CALN1: variants seen among roughly 807,000 people sequenced by gnomAD.
CALN1 encodes the protein calcium-binding protein 8.
A neutral mutation model predicts 30.6 loss-of-function variants in CALN1; 17 were observed. The ratio of observed to expected loss-of-function variants is 0.56; its 90% confidence interval spans 0.38 to 0.83. The LOEUF (loss-of-function observed/expected upper bound fraction) is 0.83. CALN1 is among the 40% of genes least tolerant of loss of function. The pLI is 0.00. For missense variants in CALN1, 291 were observed against 354.9 expected (o/e 0.82, Z 1.45); for synonymous variants, 156 against 131.4 (o/e 1.19, Z -1.28).
intron 3 of CALN1, among the ~76,000 whole-genome samples, chr7:72,152,528 T>A (rs758411437): frequency 6.6e-6 from 1 of 152,076 alleles, no homozygotes; most frequent in Non-Finnish European, 1.5e-5. Flanking sequence ...ATACAACCTA[T>A]CTACCTGCCA....
At chr7:72,119,834 G>A (rs184682790) in intron 3 of CALN1, among the ~76,000 whole-genome samples, 316 of 152,168 alleles carry the variant, frequency 2.1e-3, no homozygotes, top group Non-Finnish European at 2.1e-3. Context: ...TTCTCACCAG[G>A]TCCCTCCCAT....
chr7:72,106,678 A>G (rs1807142880), intron 3 of CALN1, among the ~76,000 whole-genome samples: 1 of 109,480 alleles, frequency 9.1e-6, no homozygotes, highest in African/African-American at 3.5e-5. Context: ...GGGAGAAAGG[A>G]AGGAAGAAAG....
At chr7:72,336,727 A>C in intron 2 of CALN1, 1 of 985,216 alleles carries the variant, frequency 1.0e-6, no homozygotes, top group Non-Finnish European at 1.2e-6. Context: ...GGGGCTCCGC[A>C]GCCCGGCAGC....
chr7:71,995,268 C>T (rs556799739), intron 5 of CALN1, among the ~76,000 whole-genome samples: 4 of 152,340 alleles, frequency 2.6e-5, no homozygotes, highest in Admixed American at 6.5e-5. Context: ...CCGTGCTGAA[C>T]GCACCTGGCT....
intron 5 of CALN1, among the ~76,000 whole-genome samples, chr7:72,007,456 A>T (rs1799836517): frequency 6.6e-6 from 1 of 152,204 alleles, no homozygotes. Context: ...CTGAAGCAGG[A>T]GAATCACTTG....
At chr7:71,866,974 G>C (rs1279710538) in intron 5 of CALN1, among the ~76,000 whole-genome samples, 1 of 151,850 alleles carries the variant, frequency 6.6e-6, no homozygotes, top group Non-Finnish European at 1.5e-5. Context: ...GTGAAACCCC[G>C]TCTCTACTAA....
chr7:71,912,701 C>G (rs1794487401), intron 5 of CALN1, among the ~76,000 whole-genome samples: 3 of 152,100 alleles, frequency 2.0e-5, no homozygotes, highest in Admixed American at 2.0e-4. Flanking sequence ...ACTGCACAAC[C>G]TGAGAAGCTA....
chr7:71,873,435 T>C (rs1171188053), intron 5 of CALN1, among the ~76,000 whole-genome samples: 1 of 152,188 alleles, frequency 6.6e-6, no homozygotes, highest in Non-Finnish European at 1.5e-5. Context: ...CTTTATAAAT[T>C]GGACCACGAA....
In CALN1 at chr7:72,372,934, G is replaced by A. The variant is rs369260898; in HGVS notation, c.119+30317C>T. On this transcript the variant is annotated intron_variant, in intron 2 of 6. Transcript: ENST00000395275. ...ACACATGGGATGCCAAAATGACATG[G>A]ATGTTGGAATTATCTGGCAAATTAT... is the stretch of plus-strand genomic sequence containing the variant. 9.2e-5 allele frequency among the ~76,000 whole-genome samples: 14 copies of A among 152,126 alleles called. 1 individual carries two copies. The highest frequency in any genetic ancestry group is 1.4e-4 in the African/African-American group (6 of 41,430).
intron 2 of CALN1, among the ~76,000 whole-genome samples, chr7:72,375,054 A>G (rs1453987785): frequency 3.9e-5 from 6 of 152,224 alleles, no homozygotes; most frequent in Non-Finnish European, 5.9e-5. Context: ...ATTGGAAAAA[A>G]AGATTGTCTT....
intron 4 of CALN1, among the ~76,000 whole-genome samples, chr7:72,030,517 A>C (rs1178163369): frequency 4.6e-5 from 7 of 152,116 alleles, no homozygotes; most frequent in Non-Finnish European, 1.0e-4. Context: ...ACCCCCCAAA[A>C]GTTATCAGCA....
rs534662693 is a variant in CALN1 at position 72,346,431 on chromosome 7, T to G, written c.119+56820A>C. On this transcript the variant is annotated intron_variant, in intron 2 of 6. Transcript: ENST00000395275. Reference sequence around the variant, plus strand: ...AAGGATGAAGATGTAATACTCTTACTTGTTTCTCCAATCCACACACATACA... The same window carrying G: ...AAGGATGAAGATGTAATACTCTTACGTGTTTCTCCAATCCACACACATACA... Among the ~76,000 whole-genome samples, 3 of 152,328 alleles carry G rather than the reference T, an allele frequency of 2.0e-5. No individual in the cohort carries two copies. The East Asian group carries it at 5.8e-4, about 29-fold the overall frequency.
chr7:72,261,091 T>C (rs1358810483), intron 3 of CALN1, among the ~76,000 whole-genome samples: 3 of 152,130 alleles, frequency 2.0e-5, no homozygotes, highest in Non-Finnish European at 2.9e-5. Context: ...GTAGATCACC[T>C]GAGGTCAGGA....
intron 5 of CALN1, among the ~76,000 whole-genome samples, chr7:72,013,830 A>G (rs891565398): frequency 6.6e-6 from 1 of 152,018 alleles, no homozygotes; most frequent in Non-Finnish European, 1.5e-5. Context: ...TAACAATTAT[A>G]TAATATTTTA....
intron 2 of CALN1, among the ~76,000 whole-genome samples, chr7:72,360,447 A>G (rs187696695): frequency 7.2e-5 from 11 of 152,076 alleles, no homozygotes; most frequent in Admixed American, 7.2e-4. Flanking sequence ...AAAAAATCAG[A>G]GAAAGATTGA....
chr7:71,790,368 A>AAAGAAAAGAAAG (rs1470378217), intron 6 of CALN1, among the ~76,000 whole-genome samples: 5 of 123,798 alleles, frequency 4.0e-5, no homozygotes, highest in African/African-American at 9.5e-5. Context: ...AGAAAGAAAG[A>AAAGAAAAGAAAG]AAAGAAAGAA....
the CALN1 span, among the ~76,000 whole-genome samples, chr7:72,471,587 T>G: frequency 7.9e-5 from 12 of 152,226 alleles, no homozygotes; most frequent in African/African-American, 2.9e-4. Flanking sequence ...CAAACTGAAA[T>G]GTATGCAGGT....
At chr7:72,119,113 G>A (rs1179240311) in intron 3 of CALN1, among the ~76,000 whole-genome samples, 2 of 152,136 alleles carry the variant, frequency 1.3e-5, no homozygotes, top group African/African-American at 4.8e-5. Context: ...TTGCTCATGG[G>A]TATTTTCAAA....
At chr7:72,169,249 A>G (rs1488860390) in intron 3 of CALN1, among the ~76,000 whole-genome samples, 1 of 152,092 alleles carries the variant, frequency 6.6e-6, no homozygotes, top group East Asian at 1.9e-4. Flanking sequence ...CAAAAAAGTA[A>G]AATTTTTCAT....
Sources: gnomAD v4.1 joint callset for allele counts (sites outside exome capture counted in the v4.1 genomes callset) on GRCh38, gnomAD v4.1.1 for gene constraint, MANE v1.5 for transcripts, NCBI Gene and HGNC (gene_info 2026-07-23, HGNC 2026-07-21) for gene names.